Variants in RERE observed in about 807,000 individuals in gnomAD.
RERE encodes the protein arginine-glutamic acid dipeptide repeats protein.
RERE carries 40 observed loss-of-function variants against 146.1 expected under a neutral mutation model. The ratio of observed to expected loss-of-function variants is 0.27; its 90% CI spans 0.21 to 0.36. The LOEUF is 0.36. RERE is among the 10% of genes least tolerant of loss of function. The pLI, the probability that RERE is intolerant of heterozygous loss-of-function variation, is 1.00. For synonymous variants in RERE, 1,003 were observed against 866.0 expected (o/e 1.16, Z -2.78); for missense variants, 1,933 against 2,138.7 (o/e 0.90, Z 1.90).
At position 8,441,310 on chromosome 1, in the gene RERE, T is replaced by C. The variant is rs1036118149; in HGVS notation, c.1204-18503A>G. 3.4e-4 allele frequency among the ~76,000 whole-genome samples: 52 copies of C among 152,170 alleles called. 1 individual carries two copies. Among genetic ancestry groups the C allele is most frequent in the Non-Finnish European group, 1.2e-4 (8 of 68,026 alleles). On this transcript the variant is annotated intron_variant, in intron 11 of 22. Coordinates refer to ENST00000400908, the MANE Select transcript of RERE (RefSeq NM_001042681.2). The stretch of plus-strand genomic sequence containing the variant: ...TTTTCCTATGTTCTCTTTCCAACAA[T>C]CCATCAGCCTGAGAAGGCACACGCT...
intron 1 of RERE, among the ~76,000 whole-genome samples, chr1:8,707,517 C>T (rs936599186): frequency 6.6e-6 from 1 of 152,044 alleles, no homozygotes. Flanking sequence ...CCAAGACCAC[C>T]GAGGCAGCAA....
intron 7 of RERE, among the ~76,000 whole-genome samples, chr1:8,517,135 A>T (rs1260008294): frequency 6.6e-6 from 1 of 152,204 alleles, no homozygotes; most frequent in Non-Finnish European, 1.5e-5. Context: ...ACAAAAGATG[A>T]GACCACTCTG....
At chr1:8,789,293 A>AT (rs1553149623) in intron 1 of RERE, among the ~76,000 whole-genome samples, 5 of 83,916 alleles carry the variant, frequency 6.0e-5, no homozygotes, top group Admixed American at 2.7e-4. Flanking sequence ...AAAAAAAAAA[A>AT]AAAAAAAAAT....
At chr1:8,759,854 C>CAG (rs1392439271) in intron 1 of RERE, among the ~76,000 whole-genome samples, 1 of 151,674 alleles carries the variant, frequency 6.6e-6, no homozygotes, top group Non-Finnish European at 1.5e-5. Flanking sequence ...CACACACACA[C>CAG]ACACACACAC....
intron 1 of RERE, among the ~76,000 whole-genome samples, chr1:8,778,729 G>A (rs535602399): frequency 1.3e-5 from 2 of 152,126 alleles, no homozygotes; most frequent in African/African-American, 4.8e-5. Flanking sequence ...CCAGCTACTC[G>A]GGAGGCTGAG....
intron 6 of RERE, among the ~76,000 whole-genome samples, chr1:8,549,790 C>G (rs1033192528): frequency 6.6e-6 from 1 of 152,208 alleles, no homozygotes; most frequent in African/African-American, 2.4e-5. Context: ...AAGATGCACT[C>G]AGAAACATGT....
At chr1:8,624,432 A>T (rs1177327208) in intron 2 of RERE, 52 bp from the exon 3 acceptor site, 1 of 1,162,346 alleles carries the variant, frequency 8.6e-7, no homozygotes, top group Non-Finnish European at 1.3e-6. Flanking sequence ...TTAAGGAACA[A>T]AGACAGGGCC....
Position 8,651,832 on chromosome 1 carries a change from T to A in RERE, c.325+4141A>T, listed in dbSNP as rs190171051. On this transcript the variant is annotated intron_variant, in intron 2 of 22. Coordinates refer to ENST00000400908, the MANE Select transcript of RERE (RefSeq NM_001042681.2). ...CTGGTTTTTTTGGTTTTGTTTTTTGTTTTTTAAGAGACAGTCTTGCTCTGT... is the reference window on the plus strand; with the variant it reads ...CTGGTTTTTTTGGTTTTGTTTTTTGATTTTTAAGAGACAGTCTTGCTCTGT... Among the ~76,000 whole-genome samples the A allele has an allele frequency of 3.3e-5, 5 of 152,212 alleles. No individual in the cohort carries two copies. In the East Asian group the frequency reaches 9.7e-4, roughly 29 times the overall value.
intron 7 of RERE, among the ~76,000 whole-genome samples, chr1:8,529,382 T>C (rs2124362150): frequency 6.9e-6 from 1 of 145,878 alleles, no homozygotes; most frequent in Non-Finnish European, 1.5e-5. Flanking sequence ...CTCCGGGTCC[T>C]AGGTTCACGC....
At chr1:8,420,441 A>G (rs1466151947) in intron 12 of RERE, among the ~76,000 whole-genome samples, 1 of 152,194 alleles carries the variant, frequency 6.6e-6, no homozygotes. Flanking sequence ...TTCTGCAGCA[A>G]AAAGTAAAAA....
intron 1 of RERE, among the ~76,000 whole-genome samples, chr1:8,719,656 T>G (rs1482154932): frequency 1.3e-5 from 2 of 152,186 alleles, no homozygotes; most frequent in African/African-American, 4.8e-5. Context: ...ACAAGCACAC[T>G]GTATTCAAAT....
In RERE at chr1:8,597,506, A is replaced by G. The variant is rs146477311; in HGVS notation, c.522+17055T>C. Among the ~76,000 whole-genome samples the G allele has an allele frequency of 5.2e-4, 79 of 152,362 alleles. 1 individual carries two copies. In the East Asian group the frequency reaches 0.011, roughly 21 times the overall value. On this transcript the variant is annotated intron_variant, in intron 4 of 22. Transcript: ENST00000400908. ...ACAATAAGCCAATGAGAAGGAAAAA[A>G]TATATGGGATTGGAAAACAGAATGA...
intron 1 of RERE, among the ~76,000 whole-genome samples, chr1:8,665,619 G>T (rs1638553006): frequency 6.6e-6 from 1 of 152,198 alleles, no homozygotes; most frequent in Non-Finnish European, 1.5e-5. Context: ...CTTCACTTAA[G>T]AGAGTGTTCA....
chr1:8,710,922 C>T (rs1368069837), intron 1 of RERE, among the ~76,000 whole-genome samples: 1 of 151,864 alleles, frequency 6.6e-6, no homozygotes, highest in Non-Finnish European at 1.5e-5. Context: ...TTTGGGAGGC[C>T]AAGGCGGGTG....
intron 2 of RERE, among the ~76,000 whole-genome samples, chr1:8,627,148 GTAAC>G (rs1183410625): frequency 6.6e-6 from 1 of 152,038 alleles, no homozygotes; most frequent in Non-Finnish European, 1.5e-5. Context: ...TGGCTCCTCT[GTAAC>G]TAAATGGCAA....
At chr1:8,493,410 C>T (rs146064470) in intron 10 of RERE, among the ~76,000 whole-genome samples, 256 of 152,290 alleles carry the variant, frequency 1.7e-3, no homozygotes, top group African/African-American at 6.0e-3. Flanking sequence ...TGTGAAAAAA[C>T]ATTCTCTTAT....
intron 1 of RERE, among the ~76,000 whole-genome samples, chr1:8,812,655 T>A (rs1641835262): frequency 6.6e-6 from 1 of 151,874 alleles, no homozygotes; most frequent in East Asian, 1.9e-4. Flanking sequence ...CGAAAAATAA[T>A]AATAATAATA....
intron 1 of RERE, among the ~76,000 whole-genome samples, chr1:8,657,379 A>G (rs1407521914): frequency 1.3e-5 from 2 of 152,108 alleles, no homozygotes; most frequent in Admixed American, 6.5e-5. Flanking sequence ...TATTCTAAAG[A>G]TATTTTCTGG....
intron 2 of RERE, among the ~76,000 whole-genome samples, chr1:8,630,972 T>C (rs1003158716): frequency 6.6e-6 from 1 of 152,212 alleles, no homozygotes; most frequent in Non-Finnish European, 1.5e-5. Context: ...GAAATGTCTA[T>C]AGATTCCCAA....
Sources: gnomAD v4.1 joint callset for allele counts (sites outside exome capture counted in the v4.1 genomes callset) on GRCh38, gnomAD v4.1.1 for gene constraint, MANE v1.5 for transcripts, NCBI Gene and HGNC (gene_info 2026-07-23, HGNC 2026-07-21) for gene names.